Variants in SH3PXD2B observed in about 807,000 individuals in gnomAD.
SH3PXD2B encodes the protein SH3 and PX domain-containing protein 2B.
A neutral mutation model predicts 73.1 loss-of-function variants in SH3PXD2B; 37 were observed. That is an observed-to-expected ratio of 0.51 (90% CI 0.39 to 0.67). SH3PXD2B has a LOEUF of 0.67. SH3PXD2B is among the 30% of genes least tolerant of loss of function. The pLI is 0.00. For missense variants in SH3PXD2B, 1,053 were observed against 1,197.8 expected (o/e 0.88, Z 1.78); for synonymous variants, 457 against 480.5 (o/e 0.95, Z 0.64).
At chr5:172,440,604 G>A (rs1380014506) in intron 1 of SH3PXD2B, among the ~76,000 whole-genome samples, 1 of 152,184 alleles carries the variant, frequency 6.6e-6, no homozygotes, top group East Asian at 1.9e-4. Context: ...GTTCAAACCC[G>A]AGCTCCCACT....
rs775645752 is a variant in SH3PXD2B at position 172,339,430 on chromosome 5, C to A, written c.1675G>T (p.Val559Leu). The A allele has an allele frequency of 6.2e-7, 1 of 1,614,182 alleles. No homozygotes were observed. The highest frequency in any genetic ancestry group is 8.5e-7 in the Non-Finnish European group (1 of 1,180,020). Residue 559 changes from valine (V) to leucine (L), a missense_variant, in exon 13 of 13, where the codon GTG (valine) becomes TTG (leucine). Coordinates refer to ENST00000311601, the MANE Select transcript of SH3PXD2B (RefSeq NM_001017995.3). This position sits in a 1 kb window ranked among gnomAD's most constrained non-coding sequence, Gnocchi z 6.1. ...TTGGCTGGCATCATCGGCAAAATCACGCCCGGAGGCTTGGGAGTGGGGCCC... is the reference window on the plus strand; with the variant it reads ...TTGGCTGGCATCATCGGCAAAATCAAGCCCGGAGGCTTGGGAGTGGGGCCC... ...LRGPTPKPPG[V>L]ILPMMPAKHI...
chr5:172,367,934 A>T (rs1757564778), intron 6 of SH3PXD2B, among the ~76,000 whole-genome samples: 1 of 151,706 alleles, frequency 6.6e-6, no homozygotes, highest in Non-Finnish European at 1.5e-5. Flanking sequence ...ACAATCTATC[A>T]CTCCTGGACT....
At chr5:172,422,593 G>T in intron 1 of SH3PXD2B, 97 bp from the exon 2 acceptor site, 1 of 1,179,092 alleles carries the variant, frequency 8.5e-7, no homozygotes, top group Non-Finnish European at 1.2e-6. Context: ...TCAGAAAGAC[G>T]TGGGTTTCAG....
At chr5:172,327,651 T>A (rs1274709652) in intron 12 of SH3PXD2B, among the ~76,000 whole-genome samples, 1 of 152,140 alleles carries the variant, frequency 6.6e-6, no homozygotes, top group African/African-American at 2.4e-5. Flanking sequence ...TACAGTGGTA[T>A]GATTATAACT....
intron 11 of SH3PXD2B, 116 bp downstream of exon 11, chr5:172,347,167 T>C: frequency 9.8e-7 from 1 of 1,025,552 alleles, no homozygotes; most frequent in Admixed American, 1.9e-5. Context: ...ACAAGGCTGT[T>C]GTGTGGACAG....
chr5:172,399,014 C>A (rs1758370195), intron 3 of SH3PXD2B, among the ~76,000 whole-genome samples: 1 of 152,140 alleles, frequency 6.6e-6, no homozygotes, highest in South Asian at 2.1e-4. Flanking sequence ...TTATCTAGAT[C>A]AAATGGCCAC....
chr5:172,439,201 C>G (rs1759461979), intron 1 of SH3PXD2B, among the ~76,000 whole-genome samples: 1 of 144,716 alleles, frequency 6.9e-6, no homozygotes, highest in Non-Finnish European at 1.5e-5. Context: ...GATCACGCCA[C>G]TGCACTCCAG....
chr5:172,363,728 G>A (rs1009442945), intron 6 of SH3PXD2B, among the ~76,000 whole-genome samples: 5 of 152,138 alleles, frequency 3.3e-5, no homozygotes, highest in African/African-American at 1.2e-4. Flanking sequence ...GGAAGTGCAT[G>A]GAAAGAGTGG....
intron 5 of SH3PXD2B, among the ~76,000 whole-genome samples, chr5:172,379,197 C>G (rs552171910): frequency 6.6e-6 from 1 of 151,192 alleles, no homozygotes; most frequent in Non-Finnish European, 1.5e-5. Context: ...AAACGTGGAG[C>G]CCCCCGGATA....
intron 1 of SH3PXD2B, among the ~76,000 whole-genome samples, chr5:172,437,860 G>A (rs1255379387): frequency 6.6e-6 from 1 of 152,146 alleles, no homozygotes; most frequent in Non-Finnish European, 1.5e-5. Flanking sequence ...GTGTGCAGAG[G>A]TGTGCCAAAT....
chr5:172,340,804 AG>A (rs1351020696), intron 12 of SH3PXD2B, among the ~76,000 whole-genome samples: 1 of 152,204 alleles, frequency 6.6e-6, no homozygotes, highest in African/African-American at 2.4e-5. Flanking sequence ...CATGTTGGCC[AG>A]GCTGATCTCG....
chr5:172,354,833 C>T (rs1168118542), intron 8 of SH3PXD2B, among the ~76,000 whole-genome samples: 3 of 152,200 alleles, frequency 2.0e-5, no homozygotes, highest in Non-Finnish European at 4.4e-5. Flanking sequence ...TGCGGTCCCC[C>T]GACCCCTGAA....
rs1336031519 is a variant in SH3PXD2B, at chr5:172,408,933, A to G, written c.157-2581T>C. On this transcript the variant is annotated intron_variant, in intron 2 of 12. Transcript: ENST00000311601. ...TGGGGTACATTAGTAATGTTGATTC[A>G]CATAATATGTAGTGATCAGATCAGC... is the stretch of plus-strand genomic sequence containing the variant. Among the ~76,000 whole-genome samples the G allele has an allele frequency of 3.9e-5, 6 of 152,304 alleles. No homozygotes were observed. In the East Asian group the frequency reaches 1.2e-3, roughly 29 times the overall value.
chr5:172,422,358 G>A (rs777253779), intron 2 of SH3PXD2B, 58 bp downstream of exon 2: 5 of 1,445,278 alleles, frequency 3.5e-6, no homozygotes, highest in South Asian at 1.2e-5. Flanking sequence ...GTAGTGGAAT[G>A]TAAGTCCAAT....
At chr5:172,370,463 G>A (rs962276341) in intron 6 of SH3PXD2B, among the ~76,000 whole-genome samples, 5 of 152,190 alleles carry the variant, frequency 3.3e-5, no homozygotes, top group African/African-American at 1.2e-4. Flanking sequence ...CATGAGATTT[G>A]CTATAAGCAA....
rs1476247956 is a variant in SH3PXD2B, at chr5:172,338,034, TC to T, written c.*334del. 3.2e-6 allele frequency: 4 copies of T among 1,243,676 alleles called. No homozygotes were observed. In the African/African-American group the frequency reaches 6.1e-5, roughly 19 times the overall value. 77.0% of individuals were successfully genotyped at this position (1,243,676 alleles called of 1,614,324 possible). A position where few individuals can be genotyped will look rare whatever the true frequency, so the allele number is the denominator to read the frequency against. ...GCTGGAGTTTCTCCAGGCAATGGGATCCAGTCCTGGAGGTCTTGGAGAGTCT... is the reference window on the plus strand; with the variant it reads ...GCTGGAGTTTCTCCAGGCAATGGGATCAGTCCTGGAGGTCTTGGAGAGTCT... On this transcript the variant is annotated 3_prime_UTR_variant, in exon 13 of 13. Transcript: ENST00000311601. The surrounding 1 kb of genome is among the most constrained non-coding windows in gnomAD (Gnocchi z 5.1).
chr5:172,396,988 C>T (rs1758317027), intron 3 of SH3PXD2B, among the ~76,000 whole-genome samples: 1 of 152,158 alleles, frequency 6.6e-6, no homozygotes, highest in South Asian at 2.1e-4. Flanking sequence ...CACAAAGTAT[C>T]ACAAGGGAGA....
At chr5:172,366,257 G>C (rs944404604) in intron 6 of SH3PXD2B, among the ~76,000 whole-genome samples, 72 of 152,300 alleles carry the variant, frequency 4.7e-4, no homozygotes, top group African/African-American at 1.7e-3. Context: ...CTCTGCCCCA[G>C]GGTCTGAGAG....
chr5:172,417,736 T>C (rs1758857663), intron 2 of SH3PXD2B, among the ~76,000 whole-genome samples: 2 of 152,142 alleles, frequency 1.3e-5, no homozygotes, highest in South Asian at 2.1e-4. Flanking sequence ...TAGCTGACAT[T>C]TGCTTGGTGC....
Sources: gnomAD v4.1 joint callset for allele counts (sites outside exome capture counted in the v4.1 genomes callset) on GRCh38, gnomAD v4.1.1 for gene constraint, Gnocchi (gnomAD v3.1) non-coding constraint, MANE v1.5 for transcripts, NCBI Gene and HGNC (gene_info 2026-07-23, HGNC 2026-07-21) for gene names.